The following MED23 variants were observed in gnomAD, a reference collection of about 807,000 sequenced individuals.
MED23 encodes the protein mediator of RNA polymerase II transcription subunit 23.
In MED23, 105 loss-of-function variants were observed where a neutral mutation model predicts 163.9. That is an observed-to-expected ratio of 0.64 (90% confidence interval 0.55 to 0.75). MED23 has a LOEUF of 0.75. Among genes scored for constraint, MED23 ranks in the 30% least tolerant of loss-of-function variants. The pLI, the probability that MED23 is intolerant of heterozygous loss-of-function variation, is 0.00. For missense variants in MED23, 1,054 were observed against 1,649.0 expected (o/e 0.64, Z 6.25); for synonymous variants, 561 against 565.6 (o/e 0.99, Z 0.12).
chr6:131,586,448 A>G (rs1165512488), downstream of MED23, among the ~76,000 whole-genome samples: 1 of 152,112 alleles, frequency 6.6e-6, no homozygotes, highest in Non-Finnish European at 1.5e-5. Context: ...TACTTTTACC[A>G]TTATATAAAT....
chr6:131,611,398 T>G (rs1456672132), intron 10 of MED23, among the ~76,000 whole-genome samples: 3 of 152,172 alleles, frequency 2.0e-5, no homozygotes, highest in Admixed American at 1.3e-4. Flanking sequence ...CATCAATGGT[T>G]GTTTCATATT....
rs1219646988 is a variant in MED23, at chr6:131,627,659, A to G, written c.53T>C (p.Ile18Thr). 5.0e-6 allele frequency: 8 copies of G among 1,606,002 alleles called. No individual in the cohort carries two copies. The highest frequency in any genetic ancestry group is 1.7e-5 in the Admixed American group (1 of 58,978). The change falls in exon 2 of 29, where the codon ATA becomes ACA. Residue 18 changes from isoleucine (I) to threonine (T), a missense_variant. Physicochemically the swap from Ile to Thr is moderately conservative, Grantham distance 89 (BLOSUM62 -1). Around this residue, in one of 11 missense-constraint regions of MED23, gnomAD observed 227 missense variants for 235.5 expected, o/e 0.96. Transcript: ENST00000368068. ...CACTCACCCAGGAAAAGCCTCTTCT[A>G]TAACTTCCGTTTTCTGTAAAAAAAA... ...IFEEVVKTEVIEEAFPGMFMD... is the reference protein window; with the variant it reads ...IFEEVVKTEVTEEAFPGMFMD...
chr6:131,622,061 A>G, intron 5 of MED23, 82 bp from the exon 6 acceptor site: 1 of 968,802 alleles, frequency 1.0e-6, no homozygotes, highest in South Asian at 1.3e-5. Flanking sequence ...TCAGGGTGAT[A>G]TATTCCTTCA....
Position 131,592,426 on chromosome 6 carries a change from A to G in MED23, c.3433T>C (p.Trp1145Arg). 6.2e-7 allele frequency: 1 copy of G among 1,614,086 alleles called. No homozygotes were observed. The change falls in exon 25 of 29, where the codon TGG becomes CGG. Residue 1145 changes from tryptophan (W) to arginine (R), a missense_variant. Physicochemically the swap from Trp to Arg is moderately radical, Grantham distance 101 (BLOSUM62 -3). This residue lies in a region of MED23 where 362 missense variants were observed against 471.6 expected (regional missense o/e 0.77). Coordinates refer to ENST00000368068, the MANE Select transcript of MED23 (RefSeq NM_004830.4). ...ATGATCAAACCAATTGCATTCATCC[A>G]TGCTGTAATGTTCTCTCTTGGCACT... ...PLVPRENITA[W>R]MNAIGLIITA... is the part of the protein sequence containing the mutation.
chr6:131,620,466 GT>G (rs1237225161), intron 7 of MED23, among the ~76,000 whole-genome samples, 161 bp downstream of exon 7: 2 of 152,000 alleles, frequency 1.3e-5, no homozygotes, highest in Non-Finnish European at 2.9e-5. Context: ...GTGTGCGTGT[GT>G]TTTTTAATGT....
intron 26 of MED23, 41 bp from the exon 27 acceptor site, chr6:131,590,483 T>C (rs367994649): frequency 9.4e-6 from 14 of 1,484,794 alleles, no homozygotes; most frequent in African/African-American, 4.2e-5. Flanking sequence ...CTTGAAATTA[T>C]TTAAATTGTT....
At chr6:131,586,653 G>T, downstream of MED23, 2 of 964,162 alleles carry the variant, frequency 2.1e-6, no homozygotes, top group Non-Finnish European at 1.4e-6. Context: ...TGTAGTGTAG[G>T]AACCACAGAG....
downstream of MED23, chr6:131,583,046 T>C (rs1268205686): frequency 6.3e-7 from 1 of 1,579,524 alleles, no homozygotes; most frequent in Non-Finnish European, 8.7e-7. Context: ...ATTATCTTAA[T>C]TTCTCTTTTA....
chr6:131,587,948 G>A (rs1011164680), intron 28 of MED23, 102 bp from the exon 29 acceptor site: 4 of 954,564 alleles, frequency 4.2e-6, no homozygotes, highest in East Asian at 5.3e-5. Context: ...AAACTAAGGA[G>A]TGTCGTGGGG....
chr6:131,592,070 T>C (rs990834603), intron 25 of MED23: 2 of 370,864 alleles, frequency 5.4e-6, no homozygotes, highest in African/African-American at 2.1e-5. Flanking sequence ...AGGCTGTAGA[T>C]ATACAACACG....
Position 131,620,622 on chromosome 6 carries a change from A to G in MED23, c.597+6T>C. On this transcript the variant is annotated splice_donor_region_variant and intron_variant, in intron 7 of 28. Transcript: ENST00000368068. ...TTATTAAAAATTCAGGAAATATAAA[A>G]TTTACCCAGTGTGGAAGTTTGCCTT... 1 of 1,596,926 alleles carries G rather than the reference A, an allele frequency of 6.3e-7. No homozygotes were observed. The highest frequency in any genetic ancestry group is 1.3e-5 in the African/African-American group (1 of 74,654).
chr6:131,616,773 A>T (rs1363557169), intron 9 of MED23, among the ~76,000 whole-genome samples: 1 of 152,206 alleles, frequency 6.6e-6, no homozygotes, highest in East Asian at 1.9e-4. Context: ...GTGAGCTGTG[A>T]TTGTGCCACT....
chr6:131,606,615 C>T lies in MED23; in HGVS notation c.1231G>A (p.Val411Ile), dbSNP rs1408152774. ...GACTGGGGTTTGTTAATATCAGGAA[C>T]TGGGATATACTGAAAAATAACAATT... is the stretch of plus-strand genomic sequence containing the variant. ...LLYPEKEYIP[V>I]PDINKPQSTH... Residue 411 changes from valine to isoleucine, a missense_variant, in exon 13 of 29, where the codon GTT becomes ATT. Val to Ile is a conservative substitution (Grantham distance 29, BLOSUM62 3). Around this residue, in one of 11 missense-constraint regions of MED23, gnomAD observed 61 missense variants for 154.2 expected, o/e 0.40. Transcript: ENST00000368068. 7 of 1,608,326 alleles carry T rather than the reference C, an allele frequency of 4.4e-6. No homozygotes were observed. Among genetic ancestry groups the T allele is most frequent in the Admixed American group, 3.3e-5 (2 of 59,904 alleles).
Position 131,590,302 on chromosome 6 carries a change from A to C in MED23, c.3807+20T>G. On this transcript the variant is annotated intron_variant, in intron 27 of 28. Coordinates refer to ENST00000368068, the MANE Select transcript of MED23 (RefSeq NM_004830.4). The stretch of plus-strand genomic sequence containing the variant: ...CTTCAGAATTTAATCATGTCACAGG[A>C]AACCCAGATTATATTTTACCTCTAT... The C allele has an allele frequency of 1.2e-6, 2 of 1,607,638 alleles. No individual in the cohort carries two copies. The highest frequency in any genetic ancestry group is 2.2e-5 in the South Asian group (2 of 90,832).
intron 10 of MED23, among the ~76,000 whole-genome samples, chr6:131,611,352 C>T (rs1209612218): frequency 6.6e-6 from 1 of 152,112 alleles, no homozygotes; most frequent in Non-Finnish European, 1.5e-5. Context: ...TTTCTTAAAG[C>T]ATGCAAATAA....
chr6:131,596,457 T>C, intron 21 of MED23, 61 bp downstream of exon 21: 2 of 1,580,644 alleles, frequency 1.3e-6, no homozygotes, highest in Non-Finnish European at 1.7e-6. Context: ...CCAAATCACT[T>C]CATCAAATAC....
At chr6:131,593,835 T>A (rs546893644) in intron 23 of MED23, among the ~76,000 whole-genome samples, 2 of 152,174 alleles carry the variant, frequency 1.3e-5, no homozygotes, top group East Asian at 3.9e-4. Context: ...TTGAAACAAA[T>A]CTCCATAAAG....
rs1463926325 is a variant in MED23 at position 131,621,238 on chromosome 6, C to T, written c.496-509G>A. On this transcript the variant is annotated intron_variant, in intron 6 of 28. Coordinates refer to ENST00000368068, the MANE Select transcript of MED23 (RefSeq NM_004830.4). ...AAGAGGAATAAGTTCAAGAGACCTA[C>T]TGGACATTATGGTGACTATGGTTAA... Among the ~76,000 whole-genome samples, 3 of 152,212 alleles carry T rather than the reference C, an allele frequency of 2.0e-5. 1 individual carries two copies. The highest frequency in any genetic ancestry group is 4.1e-4 in the South Asian group (2 of 4,822).
intron 12 of MED23, 118 bp from the exon 13 acceptor site, chr6:131,606,742 T>C (rs1202487932): frequency 2.2e-6 from 2 of 897,562 alleles, no homozygotes; most frequent in East Asian, 5.3e-5. Flanking sequence ...TGTCTTACTT[T>C]AGCCCCGATA....
Sources: allele counts gnomAD v4.1 joint callset (sites outside exome capture counted in the v4.1 genomes callset), GRCh38; gene constraint gnomAD v4.1.1; regional missense constraint gnomAD v4.1.1; transcripts MANE v1.5; gene names NCBI Gene and HGNC (gene_info 2026-07-23, HGNC 2026-07-21).